The following MMP16 variants were observed in gnomAD, a reference collection of about 807,000 sequenced individuals.
MMP16 encodes the protein matrix metallopeptidase 16.
Under a neutral mutation model 67.8 loss-of-function variants are expected in MMP16, and 12 were observed. That is an observed-to-expected ratio of 0.18 (90% confidence interval 0.11 to 0.29). The LOEUF is 0.29. MMP16 is among the 10% of genes least tolerant of loss of function. The probability of loss-of-function intolerance (pLI) is 1.00; values close to 1 mark genes in which losing one functional copy is unlikely to be tolerated. For synonymous variants in MMP16, 249 were observed against 255.9 expected (o/e 0.97, Z 0.26); for missense variants, 475 against 765.7 (o/e 0.62, Z 4.48).
intron 1 of MMP16, among the ~76,000 whole-genome samples, chr8:88,307,691 C>A (rs768764073): frequency 5.9e-5 from 9 of 152,034 alleles, no homozygotes; most frequent in Non-Finnish European, 8.8e-5. Context: ...ACAAAAATTA[C>A]TTAATACTGC....
At chr8:88,217,365 A>C (rs562759996) in intron 1 of MMP16, among the ~76,000 whole-genome samples, 9 of 152,108 alleles carry the variant, frequency 5.9e-5, no homozygotes, top group Non-Finnish European at 1.2e-4. Flanking sequence ...ACTCACATAT[A>C]CATGTGCCCA....
At position 88,197,310 on chromosome 8, in the gene MMP16, C is replaced by A. The variant is rs777611114; in HGVS notation, c.133-4G>T. The A allele has an allele frequency of 1.9e-6, 3 of 1,548,246 alleles. No homozygotes were observed. The highest frequency in any genetic ancestry group is 2.3e-5 in the East Asian group (1 of 42,642). On this transcript the variant is annotated splice_region_variant and splice_polypyrimidine_tract_variant and intron_variant, in intron 1 of 9. Coordinates refer to ENST00000286614, the MANE Select transcript of MMP16 (RefSeq NM_005941.5). ...AGCCGTACTTTTGTAACCAAACCTG[C>A]AATAACAAGTACAGTTTCTTTTAGA...
chr8:88,084,009 C>T (rs1002741701), intron 6 of MMP16, among the ~76,000 whole-genome samples: 2 of 151,938 alleles, frequency 1.3e-5, no homozygotes, highest in Non-Finnish European at 2.9e-5. Flanking sequence ...CCAATGGTAA[C>T]GCTTGCCTAA....
intron 1 of MMP16, among the ~76,000 whole-genome samples, chr8:88,231,217 G>T (rs2129873256): frequency 6.6e-6 from 1 of 152,296 alleles, no homozygotes; most frequent in African/African-American, 2.4e-5. Context: ...AGACCAGAAA[G>T]AGTGAAGAGA....
intron 7 of MMP16, among the ~76,000 whole-genome samples, chr8:88,065,381 G>A (rs1808451529): frequency 6.6e-6 from 1 of 151,966 alleles, no homozygotes; most frequent in African/African-American, 2.4e-5. Context: ...CTATACTATG[G>A]AGTTTTTGAA....
At chr8:88,047,749 G>A (rs1464035157) in intron 8 of MMP16, among the ~76,000 whole-genome samples, 1 of 152,198 alleles carries the variant, frequency 6.6e-6, no homozygotes, top group Non-Finnish European at 1.5e-5. Context: ...TTTACTCTAA[G>A]AGAGATGAGA....
chr8:88,238,347 T>C (rs1352904528), intron 1 of MMP16, among the ~76,000 whole-genome samples: 1 of 152,060 alleles, frequency 6.6e-6, no homozygotes, highest in African/African-American at 2.4e-5. Context: ...ACCCCATTTC[T>C]ACTAAAAATA....
At chr8:88,301,259 T>C (rs562916891) in intron 1 of MMP16, among the ~76,000 whole-genome samples, 1 of 152,220 alleles carries the variant, frequency 6.6e-6, no homozygotes, top group African/African-American at 2.4e-5. Context: ...CCTTCTCTCG[T>C]TCCCTCAATA....
chr8:88,137,659 T>C (rs941544975), intron 4 of MMP16, among the ~76,000 whole-genome samples: 3 of 152,010 alleles, frequency 2.0e-5, no homozygotes, highest in Non-Finnish European at 4.4e-5. Context: ...ATTTTCTCTT[T>C]ATACATTGCT....
intron 1 of MMP16, among the ~76,000 whole-genome samples, chr8:88,309,888 C>T (rs1156691949): frequency 6.6e-6 from 1 of 151,998 alleles, no homozygotes; most frequent in South Asian, 2.1e-4. Context: ...ATGTAAGTTA[C>T]TTAAAAGAAA....
At chr8:88,274,879 A>C (rs1346146566) in intron 1 of MMP16, among the ~76,000 whole-genome samples, 3 of 152,036 alleles carry the variant, frequency 2.0e-5, no homozygotes, top group Admixed American at 6.5e-5. Context: ...TGAAAAAGAA[A>C]AGTTCAACCG....
At chr8:88,071,322 T>C (rs1448550822) in intron 7 of MMP16, among the ~76,000 whole-genome samples, 1 of 152,058 alleles carries the variant, frequency 6.6e-6, no homozygotes, top group Non-Finnish European at 1.5e-5. Context: ...TTATGTAAAA[T>C]GAAAACAAGG....
At chr8:88,270,281 T>C (rs1810544890) in intron 1 of MMP16, among the ~76,000 whole-genome samples, 1 of 152,196 alleles carries the variant, frequency 6.6e-6, no homozygotes, top group Non-Finnish European at 1.5e-5. Flanking sequence ...ATTTTAGAAA[T>C]CTTGATACTA....
intron 1 of MMP16, among the ~76,000 whole-genome samples, chr8:88,303,349 A>C (rs80042451): frequency 0.015 from 2,278 of 152,190 alleles, 45 homozygotes; most frequent in African/African-American, 0.052. Context: ...GATGGCCACC[A>C]TCTCTGTGGT....
At chr8:88,288,174 T>C (rs1233020914) in intron 1 of MMP16, among the ~76,000 whole-genome samples, 1 of 152,144 alleles carries the variant, frequency 6.6e-6, no homozygotes, top group African/African-American at 2.4e-5. Context: ...ATAAACATAA[T>C]ACACTCCAAC....
At chr8:88,251,054 T>A (rs1246165588) in intron 1 of MMP16, among the ~76,000 whole-genome samples, 1 of 151,756 alleles carries the variant, frequency 6.6e-6, no homozygotes, top group Non-Finnish European at 1.5e-5. Flanking sequence ...TGCAATAGTT[T>A]ACTGAGAATG....
chr8:88,315,439 G>C (rs375661600), intron 1 of MMP16, among the ~76,000 whole-genome samples: 1 of 152,172 alleles, frequency 6.6e-6, no homozygotes, highest in African/African-American at 2.4e-5. Flanking sequence ...CATATTGTGA[G>C]ATATGCACTA....
At chr8:88,095,038 T>C (rs970530896) in intron 6 of MMP16, among the ~76,000 whole-genome samples, 9 of 151,912 alleles carry the variant, frequency 5.9e-5, no homozygotes, top group East Asian at 3.9e-4. Flanking sequence ...GTGGGCCACA[T>C]GGTTACAAAA....
At chr8:88,281,618 T>C (rs1387386860) in intron 1 of MMP16, among the ~76,000 whole-genome samples, 1 of 152,200 alleles carries the variant, frequency 6.6e-6, no homozygotes. Context: ...CAGTAGTCAC[T>C]TGTTAATCAA....
Sources: allele counts gnomAD v4.1 joint callset (sites outside exome capture counted in the v4.1 genomes callset), GRCh38; gene constraint gnomAD v4.1.1; transcripts MANE v1.5; gene names NCBI Gene and HGNC (gene_info 2026-07-23, HGNC 2026-07-21).